Variants in DGLUCY observed in about 807,000 individuals in gnomAD.
DGLUCY encodes D-glutamate cyclase, mitochondrial.
DGLUCY carries 58 observed loss-of-function variants against 58.5 expected under a neutral mutation model. The observed-to-expected ratio is 0.99, with a 90% confidence interval of 0.80 to 1.23. The LOEUF (loss-of-function observed/expected upper bound fraction) is 1.23, where lower values mean the gene tolerates loss of function less well. DGLUCY is among the 50% of genes most tolerant of loss of function. The probability of loss-of-function intolerance (pLI) is 0.00; values close to 1 mark genes in which losing one functional copy is unlikely to be tolerated. For synonymous variants in DGLUCY, 325 were observed against 314.1 expected (o/e 1.03, Z -0.37); for missense variants, 779 against 784.7 (o/e 0.99, Z 0.09).
At chr14:91,205,734 T>A (rs1243326233) in intron 12 of DGLUCY, among the ~76,000 whole-genome samples, 1 of 150,848 alleles carries the variant, frequency 6.6e-6, no homozygotes, top group Non-Finnish European at 1.5e-5. Context: ...ATGAGTCATT[T>A]TCAAGTAGGC....
chr14:91,141,389 AG>A lies in DGLUCY; in HGVS notation c.-81-16248del, dbSNP rs764614869. ...CGCCATCTAAAAAAAAAAAAAGAAA[AG>A]GAAAAAAAGGAGTTATCGTATATTG... On this transcript the variant is annotated intron_variant, in intron 1 of 13. Coordinates refer to ENST00000256324, the MANE Select transcript of DGLUCY (RefSeq NM_001102368.3). 1.5e-3 allele frequency among the ~76,000 whole-genome samples: 226 copies of A among 151,978 alleles called. 2 individuals carry two copies. Among genetic ancestry groups the A allele is most frequent in the Admixed American group, 4.1e-3 (63 of 15,242 alleles).
intron 1 of DGLUCY, among the ~76,000 whole-genome samples, chr14:91,068,442 G>A (rs955835678): frequency 2.1e-4 from 32 of 152,210 alleles, no homozygotes; most frequent in African/African-American, 7.0e-4. Flanking sequence ...GCTGAGGAGG[G>A]TGGATCACCT....
chr14:91,062,558 A>AAAATATATAT (rs1555386902), intron 1 of DGLUCY, among the ~76,000 whole-genome samples: 4 of 23,696 alleles, frequency 1.7e-4, no homozygotes, highest in Admixed American at 6.4e-4. Flanking sequence ...AAAAAAAAAA[A>AAAATATATAT]ATATATATAT....
intron 10 of DGLUCY, among the ~76,000 whole-genome samples, chr14:91,197,440 C>T (rs1358328600): frequency 3.3e-5 from 5 of 152,158 alleles, no homozygotes; most frequent in Admixed American, 3.3e-4. Flanking sequence ...ACTTCAGTGG[C>T]GTAAAACTAC....
At chr14:91,224,549 T>C (rs1887952381) in intron 13 of DGLUCY, 135 bp from the exon 14 acceptor site, 1 of 1,064,226 alleles carries the variant, frequency 9.4e-7, no homozygotes. Context: ...GTATTAGTAC[T>C]TTAAACCAAA....
At chr14:91,096,685 AC>A (rs565340217) in intron 1 of DGLUCY, among the ~76,000 whole-genome samples, 1 of 151,498 alleles carries the variant, frequency 6.6e-6, no homozygotes, top group African/African-American at 2.4e-5. Context: ...TCCCCTGCCC[AC>A]CCCCCTGGCT....
intron 1 of DGLUCY, among the ~76,000 whole-genome samples, chr14:91,137,880 A>G (rs1471930843): frequency 6.6e-6 from 1 of 152,106 alleles, no homozygotes; most frequent in Non-Finnish European, 1.5e-5. Flanking sequence ...TGGAGACAGG[A>G]AAAGGTCAGT....
Position 91,189,898 on chromosome 14 carries a change from C to A in DGLUCY, c.1195+728C>A, listed in dbSNP as rs145273258. 780 of 151,984 alleles carry A rather than the reference C, an allele frequency of 5.1e-3. 7 individuals carry two copies. Among genetic ancestry groups the A allele is most frequent in the Non-Finnish European group, 8.7e-3 (596 of 68,140 alleles). 9.4% of individuals were successfully genotyped at this position (151,984 alleles called of 1,614,324 possible). A position where few individuals can be genotyped will look rare whatever the true frequency, so the allele number is the denominator to read the frequency against. ...CATTATGTCAGAAGTTTCCAAAAGC[C>A]TGTGTCTGTACGTGTAGAATCCACT... On this transcript the variant is annotated intron_variant, in intron 9 of 13. Transcript: ENST00000256324.
At position 91,116,997 on chromosome 14, in the gene DGLUCY, G is replaced by A. The variant is rs192279462; in HGVS notation, c.-82+2714G>A. On this transcript the variant is annotated intron_variant, in intron 1 of 13. Transcript: ENST00000256324. ...GGTAGAGCAGTGGCATGGGCTGCTC[G>A]ACTGAGTATACTTAACGGTTATTTA... Among the ~76,000 whole-genome samples the A allele has an allele frequency of 1.3e-4, 20 of 151,788 alleles. 1 individual carries two copies. The East Asian group carries it at 3.9e-3, about 29-fold the overall frequency.
At chr14:91,102,060 T>C (rs998023548) in intron 1 of DGLUCY, among the ~76,000 whole-genome samples, 7 of 152,054 alleles carry the variant, frequency 4.6e-5, no homozygotes, top group Admixed American at 4.6e-4. Flanking sequence ...AAGAGATAAA[T>C]ATTTAAAGTG....
intron 12 of DGLUCY, among the ~76,000 whole-genome samples, chr14:91,211,822 A>T (rs1352398685): frequency 8.2e-6 from 1 of 122,554 alleles, no homozygotes; most frequent in Non-Finnish European, 1.8e-5. Flanking sequence ...ATTGATTGAG[A>T]CTGTGTCTTG....
At chr14:91,132,725 G>A (rs1312500637) in intron 1 of DGLUCY, among the ~76,000 whole-genome samples, 1 of 151,598 alleles carries the variant, frequency 6.6e-6, no homozygotes, top group Non-Finnish European at 1.5e-5. Flanking sequence ...TAATCTGCCA[G>A]CCTCGGCCTC....
upstream of DGLUCY, among the ~76,000 whole-genome samples, chr14:91,111,198 ATATATGTGTG>A (rs1467878609): frequency 1.4e-3 from 45 of 32,652 alleles, no homozygotes; most frequent in African/African-American, 3.6e-3. Flanking sequence ...TTTTATTTAT[ATATATGTGTG>A]TGTGTGTGTG....
At chr14:91,137,299 G>GT (rs2046394941) in intron 1 of DGLUCY, among the ~76,000 whole-genome samples, 1 of 152,004 alleles carries the variant, frequency 6.6e-6, no homozygotes, top group African/African-American at 2.4e-5. Flanking sequence ...TGGTCTCTCT[G>GT]TGTCTCGTTC....
intron 1 of DGLUCY, among the ~76,000 whole-genome samples, chr14:91,081,368 G>T (rs2044124720): frequency 6.6e-6 from 1 of 152,226 alleles, no homozygotes; most frequent in South Asian, 2.1e-4. Context: ...AATTTCAAAT[G>T]ACTTCATCAT....
intron 3 of DGLUCY, among the ~76,000 whole-genome samples, chr14:91,163,962 T>A (rs1184638181): frequency 3.3e-5 from 5 of 152,092 alleles, no homozygotes; most frequent in Non-Finnish European, 7.4e-5. Context: ...ATAATTATTA[T>A]TTTTTGAGAC....
intron 13 of DGLUCY, chr14:91,220,296 T>C (rs140296485): frequency 2.6e-4 from 92 of 360,516 alleles, no homozygotes; most frequent in African/African-American, 1.6e-3. Flanking sequence ...TTTTGGGTGA[T>C]TGGAAGATGG....
At position 91,139,500 on chromosome 14, in the gene DGLUCY, C is replaced by T. The variant is rs550296414; in HGVS notation, c.-81-18139C>T. The stretch of plus-strand genomic sequence containing the variant: ...AGGAGTTTGAAACCTGCCTGGCCAA[C>T]ATGGTGAAACCCCGTCTCTACTAAA... On this transcript the variant is annotated intron_variant, in intron 1 of 13. Coordinates refer to ENST00000256324, the MANE Select transcript of DGLUCY (RefSeq NM_001102368.3). Among the ~76,000 whole-genome samples, 10 of 152,314 alleles carry T rather than the reference C, an allele frequency of 6.6e-5. No individual in the cohort carries two copies. In the South Asian group the frequency reaches 2.1e-3, roughly 32 times the overall value.
intron 1 of DGLUCY, among the ~76,000 whole-genome samples, chr14:91,088,880 A>G (rs1175791547): frequency 1.3e-5 from 2 of 152,224 alleles, no homozygotes; most frequent in African/African-American, 2.4e-5. Flanking sequence ...CAAGCAAGGA[A>G]GTTCCTTTCT....
Sources: gnomAD v4.1 joint callset for allele counts (sites outside exome capture counted in the v4.1 genomes callset) on GRCh38, gnomAD v4.1.1 for gene constraint, MANE v1.5 for transcripts, NCBI Gene and HGNC (gene_info 2026-07-23, HGNC 2026-07-21) for gene names.